Variants in GRIK4 observed in about 807,000 individuals in gnomAD.
GRIK4 encodes the protein glutamate ionotropic receptor kainate type subunit 4.
A neutral mutation model predicts 104.9 loss-of-function variants in GRIK4; 40 were observed. The ratio of observed to expected loss-of-function variants is 0.38; its 90% CI spans 0.30 to 0.50. The LOEUF (loss-of-function observed/expected upper bound fraction) is 0.50. Ranked by LOEUF, GRIK4 falls within the 20% of genes least tolerant of loss-of-function variation. GRIK4 has a pLI of 0.93. For synonymous variants in GRIK4, 485 were observed against 524.9 expected, an observed-to-expected ratio of 0.92 and a Z score of 1.04; for missense variants, 1,047 against 1,308.1, an observed-to-expected ratio of 0.80 and a Z score of 3.08.
intron 3 of GRIK4, among the ~76,000 whole-genome samples, chr11:120,763,365 C>T (rs1218636597): frequency 6.6e-6 from 1 of 151,996 alleles, no homozygotes; most frequent in Non-Finnish European, 1.5e-5. Context: ...AGTGGTCTAT[C>T]TATTTTGTTA....
At chr11:120,733,533 C>G (rs1416686952) in intron 3 of GRIK4, among the ~76,000 whole-genome samples, 3 of 151,662 alleles carry the variant, frequency 2.0e-5, no homozygotes, top group African/African-American at 7.3e-5. Flanking sequence ...TTTGCAAATA[C>G]TATTTTATAA....
At chr11:120,809,739 C>G (rs1952788933) in intron 4 of GRIK4, among the ~76,000 whole-genome samples, 1 of 152,256 alleles carries the variant, frequency 6.6e-6, no homozygotes, top group East Asian at 1.9e-4. Context: ...CCCTCGAGGC[C>G]TGATGTGTGT....
At chr11:120,721,593 G>A (rs185783174) in intron 3 of GRIK4, among the ~76,000 whole-genome samples, 1 of 152,236 alleles carries the variant, frequency 6.6e-6, no homozygotes, top group East Asian at 1.9e-4. Context: ...CAGATTTAGG[G>A]TGGGCTTGTT....
chr11:120,600,646 G>T (rs930216989), intron 1 of GRIK4, among the ~76,000 whole-genome samples: 13 of 152,220 alleles, frequency 8.5e-5, no homozygotes, highest in African/African-American at 3.1e-4. Context: ...ATCTTCAGGG[G>T]TTCTGGGAGT....
intron 1 of GRIK4, among the ~76,000 whole-genome samples, chr11:120,573,089 G>C (rs1451262858): frequency 6.6e-6 from 1 of 152,160 alleles, no homozygotes; most frequent in Non-Finnish European, 1.5e-5. Flanking sequence ...TTCTCTTGTG[G>C]ATTGTAGTTA....
rs974496707 is a variant in GRIK4, at chr11:120,874,000, C to T, written c.907-66C>T. The T allele has an allele frequency of 5.0e-6, 7 of 1,388,144 alleles. No individual in the cohort carries two copies. The African/African-American group carries it at 8.6e-5, about 17-fold the overall frequency. The allele number at this position is 1,388,144 out of a possible 1,614,324, so 86.0% of individuals were successfully genotyped here. On this transcript the variant is annotated intron_variant, in intron 9 of 20. Coordinates refer to ENST00000527524, the MANE Select transcript of GRIK4 (RefSeq NM_014619.5). ...TTCCTCCATTCCTCTTATTTTCTCCCTCCCCTCCCTTTCTTCCTCTACACC... is the reference window on the plus strand; with the variant it reads ...TTCCTCCATTCCTCTTATTTTCTCCTTCCCCTCCCTTTCTTCCTCTACACC...
intron 3 of GRIK4, among the ~76,000 whole-genome samples, chr11:120,719,473 T>G (rs1468262308): frequency 6.6e-6 from 1 of 152,190 alleles, no homozygotes; most frequent in Non-Finnish European, 1.5e-5. Flanking sequence ...CTACCTTCCC[T>G]TGGATTCTGA....
chr11:120,611,933 G>A (rs1273370090), intron 1 of GRIK4, among the ~76,000 whole-genome samples: 1 of 152,146 alleles, frequency 6.6e-6, no homozygotes, highest in Admixed American at 6.5e-5. Flanking sequence ...TGCAGTGCAG[G>A]GAGTGCTGTG....
At chr11:120,964,849 G>A (rs1246079892) in intron 18 of GRIK4, among the ~76,000 whole-genome samples, 3 of 152,200 alleles carry the variant, frequency 2.0e-5, no homozygotes, top group African/African-American at 7.2e-5. Context: ...CTTGTCCAAG[G>A]TCACAGAATA....
At chr11:120,906,006 C>A (rs747972134) in intron 13 of GRIK4, among the ~76,000 whole-genome samples, 2 of 152,136 alleles carry the variant, frequency 1.3e-5, no homozygotes, top group Non-Finnish European at 2.9e-5. Context: ...CTTTGGTTAG[C>A]GTTAATGTCC....
At chr11:120,684,281 C>T (rs889891162) in intron 3 of GRIK4, among the ~76,000 whole-genome samples, 4 of 152,200 alleles carry the variant, frequency 2.6e-5, no homozygotes, top group Admixed American at 2.6e-4. Flanking sequence ...TGAGATCTCA[C>T]TACTGCACTC....
At chr11:120,742,705 G>A (rs529736091) in intron 3 of GRIK4, among the ~76,000 whole-genome samples, 1 of 152,150 alleles carries the variant, frequency 6.6e-6, no homozygotes, top group African/African-American at 2.4e-5. Context: ...AAGCAGTATG[G>A]CATTTCCACA....
intron 8 of GRIK4, among the ~76,000 whole-genome samples, chr11:120,857,945 C>T (rs1954157408): frequency 6.6e-6 from 1 of 152,228 alleles, no homozygotes; most frequent in Admixed American, 6.5e-5. Flanking sequence ...AGTGGAAGAC[C>T]TGGTCCTGGT....
chr11:120,587,985 G>A (rs766510983), intron 1 of GRIK4, among the ~76,000 whole-genome samples: 8 of 152,184 alleles, frequency 5.3e-5, no homozygotes, highest in African/African-American at 1.2e-4. Context: ...TATGAAAACC[G>A]CTGTCAGTCA....
At chr11:120,646,598 C>T (rs1465178453) in intron 1 of GRIK4, among the ~76,000 whole-genome samples, 1 of 152,162 alleles carries the variant, frequency 6.6e-6, no homozygotes, top group African/African-American at 2.4e-5. Context: ...TGTAGGTTCA[C>T]TTTTATTAAT....
intron 4 of GRIK4, among the ~76,000 whole-genome samples, chr11:120,814,100 C>T (rs957840545): frequency 6.6e-6 from 1 of 152,216 alleles, no homozygotes; most frequent in African/African-American, 2.4e-5. Flanking sequence ...GAGCTGGGCT[C>T]CTACTCTCTA....
At chr11:120,712,999 C>T (rs1316112887) in intron 3 of GRIK4, among the ~76,000 whole-genome samples, 1 of 152,148 alleles carries the variant, frequency 6.6e-6, no homozygotes, top group African/African-American at 2.4e-5. Context: ...GTGAGCCTGG[C>T]TGGAGTGGGG....
intron 3 of GRIK4, among the ~76,000 whole-genome samples, chr11:120,770,419 G>A (rs757640884): frequency 3.3e-5 from 5 of 152,192 alleles, no homozygotes; most frequent in African/African-American, 7.2e-5. Flanking sequence ...CTCTTTTAGT[G>A]GCAAACTGTT....
At chr11:120,558,017 CAAAAAAA>C (rs59960959) in intron 1 of GRIK4, among the ~76,000 whole-genome samples, 8 of 39,644 alleles carry the variant, frequency 2.0e-4, no homozygotes, top group East Asian at 9.5e-4. Flanking sequence ...GACTCCGTCT[CAAAAAAA>C]AAAAAAAAAA....
Sources: gnomAD v4.1 joint callset for allele counts (sites outside exome capture counted in the v4.1 genomes callset) on GRCh38, gnomAD v4.1.1 for gene constraint, MANE v1.5 for transcripts, NCBI Gene and HGNC (gene_info 2026-07-23, HGNC 2026-07-21) for gene names.